The following CDKL3 variants were observed in gnomAD, a reference collection of about 807,000 sequenced individuals.
CDKL3 encodes cyclin dependent kinase like 3.
In CDKL3, 65 loss-of-function variants were observed where a neutral mutation model predicts 69.3. The observed-to-expected ratio is 0.94, with a 90% CI of 0.77 to 1.15. The LOEUF (loss-of-function observed/expected upper bound fraction) is 1.15. Ranked by LOEUF, CDKL3 falls within the 50% of genes most tolerant of loss-of-function variation. The probability of loss-of-function intolerance (pLI) is 0.00; values close to 1 mark genes in which losing one functional copy is unlikely to be tolerated. For synonymous variants in CDKL3, 202 were observed against 221.6 expected, an observed-to-expected ratio of 0.91 and a Z score of 0.79; for missense variants, 652 against 689.2, an observed-to-expected ratio of 0.95 and a Z score of 0.61.
intron 4 of CDKL3, among the ~76,000 whole-genome samples, chr5:134,333,751 CATT>C (rs1776368198): frequency 6.6e-6 from 1 of 152,178 alleles, no homozygotes; most frequent in Non-Finnish European, 1.5e-5. Flanking sequence ...CAATGTTCAT[CATT>C]GATATTGGCC....
At chr5:134,340,525 G>C (rs2149559556) in intron 4 of CDKL3, among the ~76,000 whole-genome samples, 1 of 152,216 alleles carries the variant, frequency 6.6e-6, no homozygotes, top group Non-Finnish European at 1.5e-5. Flanking sequence ...AGAAATGAAA[G>C]AGGTGACATT....
At chr5:134,318,823 G>C (rs1381515045) in intron 6 of CDKL3, among the ~76,000 whole-genome samples, 1 of 151,912 alleles carries the variant, frequency 6.6e-6, no homozygotes, top group African/African-American at 2.4e-5. Context: ...TTAAAATAGA[G>C]ATAAATTAAA....
intron 9 of CDKL3, among the ~76,000 whole-genome samples, chr5:134,307,062 C>T (rs1430170742): frequency 6.6e-6 from 1 of 152,060 alleles, no homozygotes; most frequent in East Asian, 1.9e-4. Context: ...GCCGAAATGC[C>T]TTTGTTTTAG....
intron 9 of CDKL3, among the ~76,000 whole-genome samples, chr5:134,307,237 G>T (rs1303668009): frequency 6.6e-6 from 1 of 151,994 alleles, no homozygotes; most frequent in Non-Finnish European, 1.5e-5. Context: ...CATGTTGTGG[G>T]GTTACTCCTG....
intron 2 of CDKL3, among the ~76,000 whole-genome samples, chr5:134,360,846 T>C (rs1369606697): frequency 6.6e-6 from 1 of 152,186 alleles, no homozygotes; most frequent in Non-Finnish European, 1.5e-5. Context: ...ACCTAAACTC[T>C]AGAAAGTAAA....
At chr5:134,329,132 G>A (rs1272913934) in intron 4 of CDKL3, among the ~76,000 whole-genome samples, 1 of 152,174 alleles carries the variant, frequency 6.6e-6, no homozygotes, top group African/African-American at 2.4e-5. Context: ...CTTGAGGACA[G>A]GAGTTCGAGA....
intron 6 of CDKL3, among the ~76,000 whole-genome samples, chr5:134,315,145 C>T (rs1376655897): frequency 2.0e-5 from 3 of 151,428 alleles, no homozygotes; most frequent in Non-Finnish European, 2.9e-5. Context: ...AGAAACAAAC[C>T]CACACATGTA....
At chr5:134,297,709 G>T (rs1447719205), downstream of CDKL3, among the ~76,000 whole-genome samples, 1 of 151,362 alleles carries the variant, frequency 6.6e-6, no homozygotes, top group East Asian at 1.9e-4. Flanking sequence ...AGCCTCCCGA[G>T]TAGCTGGGAT....
chr5:134,315,544 G>A (rs1056994319), intron 6 of CDKL3, among the ~76,000 whole-genome samples: 1 of 152,010 alleles, frequency 6.6e-6, no homozygotes, highest in African/African-American at 2.4e-5. Context: ...TGTTGCCAAG[G>A]CTGGGTCTGG....
intron 4 of CDKL3, among the ~76,000 whole-genome samples, chr5:134,347,105 G>A (rs1198981589): frequency 6.6e-6 from 1 of 151,944 alleles, no homozygotes; most frequent in Admixed American, 6.6e-5. Context: ...TAATATTAGG[G>A]TAAACAGAAA....
intron 3 of CDKL3, among the ~76,000 whole-genome samples, chr5:134,358,515 C>A (rs980626768): frequency 7.4e-5 from 11 of 149,322 alleles, no homozygotes; most frequent in African/African-American, 2.8e-4. Flanking sequence ...TCCCTACCAG[C>A]TTTCTTTTCT....
intron 4 of CDKL3, among the ~76,000 whole-genome samples, chr5:134,325,772 TA>T (rs1161878323): frequency 1.1e-4 from 16 of 151,926 alleles, no homozygotes; most frequent in Admixed American, 8.5e-4. Context: ...TATTTATTAT[TA>T]TTTTTTTTGA....
intron 4 of CDKL3, among the ~76,000 whole-genome samples, chr5:134,349,101 A>G (rs541254966): frequency 8.5e-5 from 13 of 152,362 alleles, no homozygotes; most frequent in African/African-American, 2.9e-4. Context: ...GTTTAAAATG[A>G]GAATGCTAAT....
intron 4 of CDKL3, among the ~76,000 whole-genome samples, chr5:134,342,736 A>G (rs1200305578): frequency 6.6e-6 from 1 of 152,250 alleles, no homozygotes; most frequent in Non-Finnish European, 1.5e-5. Flanking sequence ...CACAGATACA[A>G]TGTAATCCAT....
chr5:134,322,763 C>T (rs1773120041), intron 4 of CDKL3, among the ~76,000 whole-genome samples: 1 of 152,138 alleles, frequency 6.6e-6, no homozygotes, highest in Non-Finnish European at 1.5e-5. Context: ...AGGCAGATCA[C>T]AAGGTCAGGA....
At position 134,304,567 on chromosome 5, in the gene CDKL3, T is replaced by G. The variant is rs749097215; in HGVS notation, c.1459A>C (p.Ser487Arg). Residue 487 changes from serine (S) to arginine (R), a missense_variant and splice_region_variant, in exon 11 of 13, where the codon AGC becomes CGC. Physicochemically the swap from Ser to Arg is moderately radical, Grantham distance 110. Transcript: ENST00000265334. Reference sequence around the variant, plus strand: ...TTAAATATACCCTTCTCCATTTGGCTCTAAACAAACAAACAAGAGTTAGTT... The same window carrying G: ...TTAAATATACCCTTCTCCATTTGGCGCTAAACAAACAAACAAGAGTTAGTT... ...SRQEDPGPIQ[S>R]QMEKGIFNER... is the part of the protein sequence containing the mutation. 4.4e-6 allele frequency: 7 copies of G among 1,594,172 alleles called. No homozygotes were observed. In the East Asian group the frequency reaches 1.6e-4, roughly 36 times the overall value.
downstream of CDKL3, among the ~76,000 whole-genome samples, chr5:134,295,020 T>C (rs111483817): frequency 5.4e-4 from 78 of 143,712 alleles, no homozygotes; most frequent in African/African-American, 1.9e-3. Context: ...TCTTTTTTTT[T>C]TTTTTTTTTT....
intron 12 of CDKL3, chr5:134,302,350 GATA>G (rs752611794): frequency 8.4e-5 from 39 of 464,150 alleles, no homozygotes; most frequent in Non-Finnish European, 1.2e-5. Context: ...ACACAATACA[GATA>G]ATATTTTCCC....
At chr5:134,346,133 C>G (rs1303527083) in intron 4 of CDKL3, among the ~76,000 whole-genome samples, 1 of 152,188 alleles carries the variant, frequency 6.6e-6, no homozygotes, top group African/African-American at 2.4e-5. Flanking sequence ...AATGGTCACT[C>G]TCTGATCCAC....
Sources: gnomAD v4.1 joint callset for allele counts (sites outside exome capture counted in the v4.1 genomes callset) on GRCh38, gnomAD v4.1.1 for gene constraint, MANE v1.5 for transcripts, NCBI Gene and HGNC (gene_info 2026-07-23, HGNC 2026-07-21) for gene names.